The following LRP1B variants were observed in gnomAD, a reference collection of about 807,000 sequenced individuals.
LRP1B encodes the protein low-density lipoprotein receptor-related protein 1B.
Under a neutral mutation model 556.6 loss-of-function variants are expected in LRP1B, and 217 were observed. The ratio of observed to expected loss-of-function variants is 0.39; its 90% CI spans 0.35 to 0.44. The LOEUF (loss-of-function observed/expected upper bound fraction) is 0.44. LRP1B is among the 20% of genes least tolerant of loss of function. The pLI is 1.00. For missense variants in LRP1B, 5,053 were observed against 5,620.8 expected, an observed-to-expected ratio of 0.90 and a Z score of 3.23; for synonymous variants, 2,047 against 1,865.8, an observed-to-expected ratio of 1.10 and a Z score of -2.50.
At position 140,536,311 on chromosome 2, in the gene LRP1B, TAAAAAAA is replaced by T. The variant is rs70988404; in HGVS notation, c.7642+263_7642+269del. Among the ~76,000 whole-genome samples the T allele has an allele frequency of 1.4e-3, 84 of 61,888 alleles. 1 individual carries two copies. The highest frequency in any genetic ancestry group is 4.9e-3 in the African/African-American group (61 of 12,404). The allele number at this position is 61,888 out of a possible 152,430, so 40.6% of individuals were successfully genotyped here. A position where few individuals can be genotyped will look rare whatever the true frequency, so the allele number is the denominator to read the frequency against. On this transcript the variant is annotated intron_variant, in intron 46 of 90. Transcript: ENST00000389484. The stretch of plus-strand genomic sequence containing the variant: ...GCAACACAATGAGACCCCGTCTCTT[TAAAAAAA>T]AAAAAAAAAAAAAAAAAAAAAAAAG...
At chr2:141,721,781 G>A (rs187686647) in intron 2 of LRP1B, among the ~76,000 whole-genome samples, 187 of 152,190 alleles carry the variant, frequency 1.2e-3, no homozygotes, top group African/African-American at 4.2e-3. Flanking sequence ...AGAAAATTGT[G>A]AAAAATTATT....
intron 15 of LRP1B, among the ~76,000 whole-genome samples, chr2:140,995,180 A>G (rs566713961): frequency 1.9e-4 from 29 of 151,678 alleles, no homozygotes; most frequent in African/African-American, 6.5e-4. Flanking sequence ...TCACTCACCA[A>G]TCAGAGTTTG....
At chr2:141,128,838 A>T (rs1443309450) in intron 7 of LRP1B, among the ~76,000 whole-genome samples, 2 of 152,180 alleles carry the variant, frequency 1.3e-5, no homozygotes, top group African/African-American at 4.8e-5. Context: ...TGAAGAACAA[A>T]ATGTATTCCT....
intron 1 of LRP1B, among the ~76,000 whole-genome samples, chr2:141,977,503 A>T (rs1701919744): frequency 6.6e-6 from 1 of 152,146 alleles, no homozygotes. Flanking sequence ...CAGAGGTTGC[A>T]GTGAGCCGAG....
At chr2:142,049,135 CT>C (rs905792853) in intron 1 of LRP1B, among the ~76,000 whole-genome samples, 2 of 151,958 alleles carry the variant, frequency 1.3e-5, no homozygotes, top group Admixed American at 1.3e-4. Flanking sequence ...AAAAAGGCCC[CT>C]TTTTTTCTAA....
chr2:140,397,786 A>G (rs1050659793), intron 66 of LRP1B, among the ~76,000 whole-genome samples: 33 of 152,174 alleles, frequency 2.2e-4, no homozygotes, highest in Non-Finnish European at 4.3e-4. Context: ...TATTTGAAAT[A>G]AAATACTTTT....
chr2:140,776,496 C>CTTTTTTTTTTTTTTTTTTTTTTTTTT (rs1553530438), intron 32 of LRP1B, among the ~76,000 whole-genome samples: 34 of 131,214 alleles, frequency 2.6e-4, no homozygotes, highest in Middle Eastern at 4.2e-3. Context: ...ATATAATATT[C>CTTTTTTTTTTTTTTTTTTTTTTTTTT]TTATATTTTA....
intron 7 of LRP1B, among the ~76,000 whole-genome samples, chr2:141,101,795 C>T (rs1700468965): frequency 6.6e-6 from 1 of 152,094 alleles, no homozygotes; most frequent in African/African-American, 2.4e-5. Flanking sequence ...GTTCTGTTAT[C>T]TAAACCAGAC....
intron 66 of LRP1B, among the ~76,000 whole-genome samples, chr2:140,435,669 GA>G (rs61686870): frequency 0.95 from 138,528 of 146,490 alleles, 65,526 homozygotes; most frequent in East Asian, 0.99. Flanking sequence ...TGTTAAGACA[GA>G]AAAAAAAAAA....
intron 41 of LRP1B, among the ~76,000 whole-genome samples, chr2:140,670,428 A>C (rs951669540): frequency 2.6e-5 from 4 of 152,210 alleles, no homozygotes; most frequent in Non-Finnish European, 5.9e-5. Context: ...TCCACTTCCC[A>C]AACCTAATAA....
intron 1 of LRP1B, among the ~76,000 whole-genome samples, chr2:141,844,060 T>C (rs1697562862): frequency 6.6e-6 from 1 of 152,120 alleles, no homozygotes; most frequent in South Asian, 2.1e-4. Context: ...CTATGAGCAA[T>C]GAAGAACTGG....
At chr2:141,625,993 T>C (rs892263801) in intron 2 of LRP1B, among the ~76,000 whole-genome samples, 1 of 152,184 alleles carries the variant, frequency 6.6e-6, no homozygotes, top group Non-Finnish European at 1.5e-5. Flanking sequence ...TTATTCTCCC[T>C]AATTTTATGA....
chr2:141,611,106 A>C (rs1245501367), intron 2 of LRP1B, among the ~76,000 whole-genome samples: 3 of 152,218 alleles, frequency 2.0e-5, no homozygotes, highest in African/African-American at 7.2e-5. Context: ...GTTTTATTCC[A>C]TCAGCTTGAG....
At chr2:141,804,039 A>T (rs1454131080) in intron 2 of LRP1B, among the ~76,000 whole-genome samples, 3 of 152,154 alleles carry the variant, frequency 2.0e-5, no homozygotes, top group East Asian at 3.9e-4. Context: ...TACCCAAGAG[A>T]CTTGTTCTTT....
chr2:140,788,929 T>G (rs1341112590), intron 32 of LRP1B, among the ~76,000 whole-genome samples: 1 of 152,182 alleles, frequency 6.6e-6, no homozygotes, highest in Non-Finnish European at 1.5e-5. Context: ...CAGAAAAGAC[T>G]GTGAGGACAC....
At chr2:141,298,001 A>G (rs1401513003) in intron 3 of LRP1B, among the ~76,000 whole-genome samples, 2 of 152,182 alleles carry the variant, frequency 1.3e-5, no homozygotes, top group Non-Finnish European at 2.9e-5. Flanking sequence ...ATTGCCTAAC[A>G]ATGCATTTCT....
At chr2:140,419,656 A>G (rs1685348399) in intron 66 of LRP1B, among the ~76,000 whole-genome samples, 1 of 152,232 alleles carries the variant, frequency 6.6e-6, no homozygotes, top group Non-Finnish European at 1.5e-5. Flanking sequence ...GAATATCCCA[A>G]ATCATTTGGA....
At chr2:140,783,557 T>C (rs536157486) in intron 32 of LRP1B, among the ~76,000 whole-genome samples, 24 of 152,156 alleles carry the variant, frequency 1.6e-4, no homozygotes, top group African/African-American at 4.8e-4. Context: ...CAGAAGTGGA[T>C]TGAAAGTAGA....
At chr2:140,266,636 C>A (rs1383090818) in intron 86 of LRP1B, among the ~76,000 whole-genome samples, 2 of 151,856 alleles carry the variant, frequency 1.3e-5, no homozygotes, top group Non-Finnish European at 2.9e-5. Context: ...TATTTTTAGA[C>A]CTATTCTCCT....
Sources: allele counts gnomAD v4.1 joint callset (sites outside exome capture counted in the v4.1 genomes callset), GRCh38; gene constraint gnomAD v4.1.1; transcripts MANE v1.5; gene names NCBI Gene and HGNC (gene_info 2026-07-23, HGNC 2026-07-21).